The following CMSS1 variants were observed in gnomAD, a reference collection of about 807,000 sequenced individuals.
CMSS1 encodes the protein cms1 ribosomal small subunit homolog.
A neutral mutation model predicts 43.5 loss-of-function variants in CMSS1; 33 were observed. That is an observed-to-expected ratio of 0.76 (90% CI 0.57 to 1.01). The LOEUF (loss-of-function observed/expected upper bound fraction) is 1.01. CMSS1 is among the 50% of genes least tolerant of loss of function. CMSS1 has a pLI of 0.00. For synonymous variants in CMSS1, 115 were observed against 117.2 expected (o/e 0.98, Z 0.12); for missense variants, 313 against 326.4 (o/e 0.96, Z 0.32).
intron 1 of CMSS1, among the ~76,000 whole-genome samples, chr3:99,913,803 GA>G (rs994047606): frequency 5.3e-5 from 8 of 152,126 alleles, no homozygotes; most frequent in East Asian, 1.9e-4. Flanking sequence ...TTATTTTTAA[GA>G]AAAGAAAAAA....
At chr3:99,943,293 G>A (rs543830869) in intron 1 of CMSS1, among the ~76,000 whole-genome samples, 6 of 152,286 alleles carry the variant, frequency 3.9e-5, no homozygotes, top group Admixed American at 1.3e-4. Context: ...TTTCCAAAAT[G>A]TGTCAGCCCT....
At chr3:100,055,844 C>T (rs1158294253) in intron 1 of CMSS1, among the ~76,000 whole-genome samples, 1 of 152,188 alleles carries the variant, frequency 6.6e-6, no homozygotes, top group African/African-American at 2.4e-5. Flanking sequence ...ATTACTCTTC[C>T]ACAATATGAA....
At chr3:100,027,265 C>T (rs1321092799) in intron 1 of CMSS1, among the ~76,000 whole-genome samples, 1 of 152,114 alleles carries the variant, frequency 6.6e-6, no homozygotes, top group Non-Finnish European at 1.5e-5. Flanking sequence ...TGGATAGGGA[C>T]TTTATATGAT....
intron 1 of CMSS1, among the ~76,000 whole-genome samples, chr3:99,851,350 A>T (rs188404329): frequency 1.2e-4 from 19 of 152,332 alleles, no homozygotes; most frequent in African/African-American, 4.3e-4. Context: ...TGCTTGGGTA[A>T]CATGTAATTA....
intron 1 of CMSS1, among the ~76,000 whole-genome samples, chr3:100,031,365 G>T (rs1192720576): frequency 6.6e-6 from 1 of 151,960 alleles, no homozygotes; most frequent in Non-Finnish European, 1.5e-5. Context: ...CAAAGTTCCT[G>T]TTACCCTCGT....
intron 1 of CMSS1, among the ~76,000 whole-genome samples, chr3:100,039,458 G>A (rs1166259010): frequency 6.6e-6 from 1 of 151,922 alleles, no homozygotes; most frequent in Admixed American, 6.6e-5. Context: ...ATACCAACTT[G>A]GTTTAATACT....
chr3:100,054,407 G>A (rs1032149302), intron 1 of CMSS1, among the ~76,000 whole-genome samples: 1 of 152,124 alleles, frequency 6.6e-6, no homozygotes, highest in Non-Finnish European at 1.5e-5. Flanking sequence ...CTGGGGAGTG[G>A]CTGTCCCGTC....
intron 1 of CMSS1, among the ~76,000 whole-genome samples, chr3:99,871,252 G>T (rs578123068): frequency 6.6e-6 from 1 of 152,218 alleles, no homozygotes; most frequent in South Asian, 2.1e-4. Context: ...TTTGTTTTCA[G>T]CTCCTAAACA....
At chr3:100,099,164 A>G (rs1280902886) in intron 1 of CMSS1, among the ~76,000 whole-genome samples, 1 of 152,222 alleles carries the variant, frequency 6.6e-6, no homozygotes, top group Non-Finnish European at 1.5e-5. Flanking sequence ...AGAGAATACA[A>G]TACTGGATTT....
intron 1 of CMSS1, among the ~76,000 whole-genome samples, chr3:99,903,286 C>G (rs966473075): frequency 6.6e-6 from 1 of 151,478 alleles, no homozygotes; most frequent in African/African-American, 2.4e-5. Flanking sequence ...GAATCTCGCT[C>G]TGTCACCCAG....
chr3:99,985,344 C>T (rs1709306699), intron 1 of CMSS1, among the ~76,000 whole-genome samples: 1 of 151,980 alleles, frequency 6.6e-6, no homozygotes, highest in South Asian at 2.1e-4. Context: ...CCAGCCCGAA[C>T]AACATGGCGA....
At chr3:99,905,309 A>G (rs1183846882) in intron 1 of CMSS1, among the ~76,000 whole-genome samples, 1 of 152,144 alleles carries the variant, frequency 6.6e-6, no homozygotes, top group African/African-American at 2.4e-5. Context: ...ATCTAGTCCC[A>G]TGTGTGCACT....
At position 100,179,600 on chromosome 3, in the gene CMSS1, GGCTCCC is replaced by G. The variant is rs1202480119; in HGVS notation, c.*1213_*1218del. 5 of 148,172 alleles carry G rather than the reference GGCTCCC, an allele frequency of 3.4e-5. No homozygotes were observed. The highest frequency in any genetic ancestry group is 2.2e-4 in the South Asian group (1 of 4,574). The allele number at this position is 148,172 out of a possible 1,614,324, so 9.2% of individuals were successfully genotyped here. A position where few individuals can be genotyped will look rare whatever the true frequency, so the allele number is the denominator to read the frequency against. On this transcript the variant is annotated 3_prime_UTR_variant, in exon 10 of 10. Transcript: ENST00000421999. ...CCAGGCCACTCTGATGCAAGGAGTG[GGCTCCC>G]AAGGCCTTAGGCAGCTCTGCCCCTG...
intron 2 of CMSS1, 71 bp downstream of exon 2, chr3:100,147,132 C>T: frequency 1.3e-6 from 2 of 1,533,904 alleles, no homozygotes; most frequent in Non-Finnish European, 8.9e-7. Flanking sequence ...CTCTATTGAA[C>T]TCCCCATGTC....
chr3:99,865,228 A>G (rs1452256843), intron 1 of CMSS1, among the ~76,000 whole-genome samples: 1 of 152,160 alleles, frequency 6.6e-6, no homozygotes, highest in Non-Finnish European at 1.5e-5. Flanking sequence ...ACAAATAAGA[A>G]CTGAGGCTCA....
At chr3:100,132,515 T>C (rs1293047033) in intron 1 of CMSS1, among the ~76,000 whole-genome samples, 1 of 151,804 alleles carries the variant, frequency 6.6e-6, no homozygotes, top group African/African-American at 2.4e-5. Flanking sequence ...GTTAAGAACA[T>C]TCTATGCATA....
rs1018388315 is a variant in CMSS1, at chr3:100,178,778, G to C, written c.*390G>C. ...CACAGCATTGTTGAGGATTCCAGGAGATAGTACATGGGGAGCAGATTTGTA... is the reference window on the plus strand; with the variant it reads ...CACAGCATTGTTGAGGATTCCAGGACATAGTACATGGGGAGCAGATTTGTA... On this transcript the variant is annotated 3_prime_UTR_variant, in exon 10 of 10. Coordinates refer to ENST00000421999, the MANE Select transcript of CMSS1 (RefSeq NM_032359.4). 1.1e-4 allele frequency: 18 copies of C among 169,718 alleles called. No homozygotes were observed. The highest frequency in any genetic ancestry group is 2.0e-4 in the Non-Finnish European group (16 of 78,212). 10.5% of individuals were successfully genotyped at this position (169,718 alleles called of 1,614,324 possible). A position where few individuals can be genotyped will look rare whatever the true frequency, so the allele number is the denominator to read the frequency against.
chr3:100,053,374 C>G (rs2065406179), intron 1 of CMSS1, among the ~76,000 whole-genome samples: 1 of 152,222 alleles, frequency 6.6e-6, no homozygotes, highest in African/African-American at 2.4e-5. Context: ...TTTGTAGCTT[C>G]TGGTGCTTGC....
At chr3:100,130,298 T>A (rs1007266538) in intron 1 of CMSS1, among the ~76,000 whole-genome samples, 2 of 152,168 alleles carry the variant, frequency 1.3e-5, no homozygotes, top group African/African-American at 4.8e-5. Flanking sequence ...GAAAGAAAAA[T>A]TAATTCTACT....
Sources: allele counts gnomAD v4.1 joint callset (sites outside exome capture counted in the v4.1 genomes callset), GRCh38; gene constraint gnomAD v4.1.1; transcripts MANE v1.5; gene names NCBI Gene and HGNC (gene_info 2026-07-23, HGNC 2026-07-21).